The following NYAP2 variants were observed in gnomAD, a reference collection of about 807,000 sequenced individuals.
NYAP2 encodes the protein neuronal tyrosine-phosphorylated phosphoinositide-3-kinase adaptor 2.
Under a neutral mutation model 50.4 loss-of-function variants are expected in NYAP2, and 23 were observed. That is an observed-to-expected ratio of 0.46 (90% confidence interval 0.33 to 0.65). NYAP2 has a LOEUF of 0.65. Among genes scored for constraint, NYAP2 ranks in the 30% least tolerant of loss-of-function variants. The pLI is 0.02. For missense variants in NYAP2, 885 were observed against 861.0 expected (o/e 1.03, Z -0.35); for synonymous variants, 394 against 365.2 (o/e 1.08, Z -0.90).
chr2:225,403,572 C>A (rs1045655940), intron 2 of NYAP2, among the ~76,000 whole-genome samples: 2 of 151,898 alleles, frequency 1.3e-5, no homozygotes, highest in Non-Finnish European at 1.5e-5. Flanking sequence ...GCCATTCTTT[C>A]CCAAAACAGA....
chr2:225,544,453 C>A (rs1010762082), intron 4 of NYAP2, among the ~76,000 whole-genome samples: 8 of 151,728 alleles, frequency 5.3e-5, no homozygotes, highest in African/African-American at 1.7e-4. Context: ...ATTTGAGTTA[C>A]CATGAGGTTT....
At chr2:225,413,389 T>A (rs1177372762) in intron 3 of NYAP2, among the ~76,000 whole-genome samples, 2 of 152,324 alleles carry the variant, frequency 1.3e-5, no homozygotes, top group Admixed American at 1.3e-4. Context: ...GCGTCTGTCC[T>A]GCTGGCCTCT....
chr2:225,609,151 A>C (rs1178467821), intron 5 of NYAP2, among the ~76,000 whole-genome samples: 2 of 152,124 alleles, frequency 1.3e-5, no homozygotes, highest in Non-Finnish European at 2.9e-5. Flanking sequence ...AAATCAGAGA[A>C]CAGCTGCTAC....
intron 6 of NYAP2, among the ~76,000 whole-genome samples, chr2:225,638,207 T>TGA (rs371320986): frequency 4.9e-4 from 57 of 115,624 alleles, no homozygotes; most frequent in African/African-American, 1.2e-3. Context: ...GGGAGGGGGG[T>TGA]GAGAGAGAGA....
the NYAP2 span, among the ~76,000 whole-genome samples, chr2:225,673,520 A>C: frequency 6.6e-6 from 1 of 152,136 alleles, no homozygotes; most frequent in Non-Finnish European, 1.5e-5. Flanking sequence ...AAACGAGGTA[A>C]GCTTATGTAA....
chr2:225,558,080 C>G (rs114725973), intron 4 of NYAP2, among the ~76,000 whole-genome samples: 17 of 152,114 alleles, frequency 1.1e-4, no homozygotes, highest in Admixed American at 1.1e-3. Flanking sequence ...TGATATGACC[C>G]TCCAGGGAGT....
intron 5 of NYAP2, among the ~76,000 whole-genome samples, chr2:225,585,867 G>T (rs1188624158): frequency 6.6e-6 from 1 of 152,176 alleles, no homozygotes; most frequent in Non-Finnish European, 1.5e-5. Context: ...AATTTCTGTT[G>T]CAGTACACTC....
chr2:225,621,101 A>G (rs1276878041), intron 5 of NYAP2, among the ~76,000 whole-genome samples: 24 of 138,120 alleles, frequency 1.7e-4, no homozygotes, highest in African/African-American at 6.6e-4. Flanking sequence ...GCGACCAGCG[A>G]GACTCCGTCT....
intron 3 of NYAP2, among the ~76,000 whole-genome samples, chr2:225,463,383 T>A (rs1312687699): frequency 6.6e-6 from 1 of 152,398 alleles, no homozygotes; most frequent in South Asian, 2.1e-4. Context: ...ATCAATCATG[T>A]GTTTTCTCGT....
At chr2:225,431,507 T>C (rs908150281) in intron 3 of NYAP2, among the ~76,000 whole-genome samples, 3 of 152,234 alleles carry the variant, frequency 2.0e-5, no homozygotes, top group Admixed American at 2.0e-4. Flanking sequence ...GGTAAAGCTT[T>C]GAACTTCAAG....
intron 3 of NYAP2, among the ~76,000 whole-genome samples, chr2:225,487,775 T>C (rs1690330119): frequency 6.6e-6 from 1 of 152,226 alleles, no homozygotes; most frequent in Non-Finnish European, 1.5e-5. Flanking sequence ...CATAGATATA[T>C]AGATATATTT....
At chr2:225,547,718 G>A (rs886750859) in intron 4 of NYAP2, among the ~76,000 whole-genome samples, 2 of 152,176 alleles carry the variant, frequency 1.3e-5, no homozygotes, top group South Asian at 2.1e-4. Context: ...ATTCAACACT[G>A]TCTTTCCCAC....
chr2:225,539,518 A>C (rs1249528544), intron 4 of NYAP2, among the ~76,000 whole-genome samples: 1 of 152,234 alleles, frequency 6.6e-6, no homozygotes, highest in Non-Finnish European at 1.5e-5. Context: ...TTGATTCCTG[A>C]CATTTTAATG....
At chr2:225,414,998 CTACA>C (rs1310435191) in intron 3 of NYAP2, among the ~76,000 whole-genome samples, 1 of 151,996 alleles carries the variant, frequency 6.6e-6, no homozygotes, top group Non-Finnish European at 1.5e-5. Flanking sequence ...CAAACAAATG[CTACA>C]TTAGTTAAAT....
chr2:225,438,667 A>G (rs1263285972), intron 3 of NYAP2, among the ~76,000 whole-genome samples: 1 of 152,218 alleles, frequency 6.6e-6, no homozygotes. Context: ...AAACAAGAAG[A>G]CAATCTAAAT....
At chr2:225,543,331 T>C (rs1030525970) in intron 4 of NYAP2, among the ~76,000 whole-genome samples, 8 of 152,008 alleles carry the variant, frequency 5.3e-5, no homozygotes, top group Non-Finnish European at 8.8e-5. Context: ...TCTAGTTCTT[T>C]AAGACACATC....
chr2:225,442,153 C>A (rs1208234544), intron 3 of NYAP2, among the ~76,000 whole-genome samples: 1 of 152,170 alleles, frequency 6.6e-6, no homozygotes, highest in Non-Finnish European at 1.5e-5. Context: ...TGACTTCAGA[C>A]TGTTTCAAAT....
At position 225,587,948 on chromosome 2, in the gene NYAP2, G is replaced by A. The variant is rs115403401; in HGVS notation, c.1618+4913G>A. On this transcript the variant is annotated intron_variant, in intron 5 of 6. Coordinates refer to ENST00000636099, the Ensembl canonical transcript of NYAP2. ...GTAGTAAATACTTTTTTTTTTAGGC[G>A]GATTCTTGCTCTGCAGCCCATGCTG... Among the ~76,000 whole-genome samples, 1,067 of 150,866 alleles carry A rather than the reference G, an allele frequency of 7.1e-3. 13 individuals are homozygous for A. Among genetic ancestry groups the A allele is most frequent in the African/African-American group, 0.025 (1,011 of 41,122 alleles).
chr2:225,626,569 G>A (rs778582700), intron 5 of NYAP2, among the ~76,000 whole-genome samples: 15 of 152,196 alleles, frequency 9.9e-5, no homozygotes, highest in Non-Finnish European at 1.5e-4. Flanking sequence ...ATTGGATAGC[G>A]TGGTTTGGCT....
Sources: gnomAD v4.1 joint callset for allele counts (sites outside exome capture counted in the v4.1 genomes callset) on GRCh38, gnomAD v4.1.1 for gene constraint, MANE v1.5 for transcripts, NCBI Gene and HGNC (gene_info 2026-07-23, HGNC 2026-07-21) for gene names.